DISC1: variants seen among roughly 807,000 people sequenced by gnomAD.
DISC1 encodes the protein disrupted in schizophrenia 1 protein.
Under a neutral mutation model 84.5 loss-of-function variants are expected in DISC1, and 57 were observed. The observed-to-expected ratio is 0.67, with a 90% confidence interval of 0.55 to 0.84. DISC1 has a LOEUF of 0.84. DISC1 is among the 40% of genes least tolerant of loss of function. The pLI, the probability that DISC1 is intolerant of heterozygous loss-of-function variation, is 0.00. For missense variants in DISC1, 1,000 were observed against 1,057.8 expected (o/e 0.95, Z 0.76); for synonymous variants, 411 against 415.2 (o/e 0.99, Z 0.12).
intron 4 of DISC1, among the ~76,000 whole-genome samples, chr1:231,754,169 C>T (rs1030832279): frequency 1.3e-5 from 2 of 152,188 alleles, no homozygotes; most frequent in East Asian, 1.9e-4. Context: ...GCCAGTTCCA[C>T]ATTTTCAGGT....
At chr1:231,670,512 G>A (rs1250200109) in intron 1 of DISC1, 2 of 152,202 alleles carry the variant, frequency 1.3e-5, no homozygotes, top group East Asian at 1.9e-4. Flanking sequence ...TTGAAATGAG[G>A]TATTGTATGG....
intron 11 of DISC1, among the ~76,000 whole-genome samples, chr1:232,025,660 A>G (rs562430851): frequency 1.8e-3 from 241 of 136,874 alleles, no homozygotes; most frequent in African/African-American, 5.5e-3. Flanking sequence ...GCAGTGGTGC[A>G]ATCTCGGCTC....
At chr1:232,001,304 C>A (rs1666661165) in intron 10 of DISC1, among the ~76,000 whole-genome samples, 1 of 152,080 alleles carries the variant, frequency 6.6e-6, no homozygotes, top group African/African-American at 2.4e-5. Context: ...GTCTCCAACT[C>A]CTGACCTCAG....
At chr1:231,959,283 C>T (rs1324579112) in intron 10 of DISC1, 35 of 986,896 alleles carry the variant, frequency 3.5e-5, no homozygotes, top group South Asian at 1.9e-4. Flanking sequence ...TAGAAATGCA[C>T]GTCTTAGGTT....
At chr1:231,874,505 T>C (rs934666070) in intron 9 of DISC1, among the ~76,000 whole-genome samples, 4 of 152,102 alleles carry the variant, frequency 2.6e-5, no homozygotes, top group Non-Finnish European at 4.4e-5. Flanking sequence ...GGCCAAAGAC[T>C]TCCTAACTCA....
intron 1 of DISC1, among the ~76,000 whole-genome samples, chr1:231,641,642 A>G (rs2059697656): frequency 6.6e-6 from 1 of 152,152 alleles, no homozygotes; most frequent in African/African-American, 2.4e-5. Flanking sequence ...CCCCACCCAC[A>G]TCCTGCTGAT....
intron 9 of DISC1, among the ~76,000 whole-genome samples, chr1:231,948,673 C>CA (rs910985601): frequency 4.0e-5 from 6 of 151,632 alleles, no homozygotes; most frequent in African/African-American, 1.5e-4. Flanking sequence ...ACCAAGAACA[C>CA]AAACCAGAAT....
At chr1:231,792,574 G>A (rs969859414) in intron 6 of DISC1, among the ~76,000 whole-genome samples, 2 of 152,154 alleles carry the variant, frequency 1.3e-5, no homozygotes, top group Admixed American at 1.3e-4. Flanking sequence ...TTTGTTGAAT[G>A]GACTCTAACG....
At chr1:231,891,200 T>G (rs1333791213) in intron 9 of DISC1, among the ~76,000 whole-genome samples, 1 of 151,998 alleles carries the variant, frequency 6.6e-6, no homozygotes, top group Non-Finnish European at 1.5e-5. Context: ...ACACTAACAA[T>G]AGCTGATGAG....
At chr1:231,960,111 T>C (rs1300811244) in intron 10 of DISC1, among the ~76,000 whole-genome samples, 1 of 152,128 alleles carries the variant, frequency 6.6e-6, no homozygotes, top group Non-Finnish European at 1.5e-5. Flanking sequence ...GTTCAGTTTG[T>C]TTTGTTTTGT....
At chr1:231,888,409 C>T (rs1379515810) in intron 9 of DISC1, among the ~76,000 whole-genome samples, 2 of 151,900 alleles carry the variant, frequency 1.3e-5, no homozygotes. Context: ...CCAGGAAAAC[C>T]CTGTCTCATG....
At chr1:231,903,882 A>G (rs1248301684) in intron 9 of DISC1, among the ~76,000 whole-genome samples, 1 of 152,230 alleles carries the variant, frequency 6.6e-6, no homozygotes, top group Non-Finnish European at 1.5e-5. Context: ...GAGTCACGTG[A>G]TCTGACTCGT....
At chr1:231,920,484 T>C (rs821721) in intron 9 of DISC1, among the ~76,000 whole-genome samples, 87,684 of 152,054 alleles carry the variant, frequency 0.58, 25,804 homozygotes, top group Non-Finnish European at 0.63. Context: ...CATTTGACTC[T>C]TCTGGGTATC....
chr1:231,952,215 T>A (rs989448398), intron 9 of DISC1, among the ~76,000 whole-genome samples: 2 of 151,638 alleles, frequency 1.3e-5, no homozygotes, highest in African/African-American at 2.4e-5. Flanking sequence ...ACTTATTAAA[T>A]CAGTAGGACT....
At chr1:231,632,489 G>A (rs1186268855) in intron 1 of DISC1, among the ~76,000 whole-genome samples, 2 of 152,174 alleles carry the variant, frequency 1.3e-5, no homozygotes, top group African/African-American at 4.8e-5. Context: ...TAAACTCCTC[G>A]AGGTGAGGAA....
chr1:231,950,202 T>TTTGTGTGTGTG (rs1026268258), intron 9 of DISC1, among the ~76,000 whole-genome samples: 1 of 91,646 alleles, frequency 1.1e-5, no homozygotes, highest in Non-Finnish European at 2.2e-5. Flanking sequence ...TGAAAAAAAA[T>TTTGTGTGTGTG]TCTGTGTGTG....
At chr1:231,986,656 A>C (rs1048459659) in intron 10 of DISC1, among the ~76,000 whole-genome samples, 1 of 152,202 alleles carries the variant, frequency 6.6e-6, no homozygotes, top group African/African-American at 2.4e-5. Context: ...GAGTTTCCTA[A>C]ATCTGACATG....
intron 1 of DISC1, among the ~76,000 whole-genome samples, chr1:231,628,851 C>A (rs537988317): frequency 6.6e-6 from 1 of 152,184 alleles, no homozygotes; most frequent in Non-Finnish European, 1.5e-5. Flanking sequence ...AAGAGATCCT[C>A]CTGTTCCAGC....
At chr1:231,815,465 G>A (rs1005888414) in intron 8 of DISC1, among the ~76,000 whole-genome samples, 3 of 152,236 alleles carry the variant, frequency 2.0e-5, no homozygotes, top group South Asian at 2.1e-4. Flanking sequence ...TTGGCTGGGC[G>A]CGGTGGCTCA....
Sources: allele counts gnomAD v4.1 joint callset (sites outside exome capture counted in the v4.1 genomes callset), GRCh38; gene constraint gnomAD v4.1.1; transcripts MANE v1.5; gene names NCBI Gene and HGNC (gene_info 2026-07-23, HGNC 2026-07-21).